Variants in NRXN3 observed in about 807,000 individuals in gnomAD.
NRXN3 encodes neurexin 3.
Under a neutral mutation model 137.6 loss-of-function variants are expected in NRXN3, and 32 were observed. The observed-to-expected ratio is 0.23, with a 90% CI of 0.18 to 0.31. The LOEUF (loss-of-function observed/expected upper bound fraction) is 0.31, where lower values mean the gene tolerates loss of function less well. Among genes scored for constraint, NRXN3 ranks in the 10% least tolerant of loss-of-function variants. The pLI is 1.00. For synonymous variants in NRXN3, 798 were observed against 784.5 expected, an observed-to-expected ratio of 1.02 and a Z score of -0.29; for missense variants, 1,574 against 2,062.5, an observed-to-expected ratio of 0.76 and a Z score of 4.59.
intron 10 of NRXN3, among the ~76,000 whole-genome samples, chr14:78,952,801 A>G (rs1276621800): frequency 6.6e-6 from 1 of 152,196 alleles, no homozygotes; most frequent in Non-Finnish European, 1.5e-5. Flanking sequence ...TTGAATAAAT[A>G]GAAAGATGTT....
chr14:78,835,496 C>G (rs2098994095), intron 10 of NRXN3, among the ~76,000 whole-genome samples: 4 of 152,128 alleles, frequency 2.6e-5, no homozygotes, highest in Admixed American at 2.6e-4. Context: ...CATCTGTGTT[C>G]TTTGTACACT....
chr14:78,991,589 A>T (rs1254728569), intron 15 of NRXN3, among the ~76,000 whole-genome samples: 2 of 152,214 alleles, frequency 1.3e-5, no homozygotes, highest in African/African-American at 4.8e-5. Context: ...CATATCCAAA[A>T]ACTGAAACTT....
In NRXN3 at chr14:79,177,596, G is replaced by A. The variant is rs186324349; in HGVS notation, c.3262+189455G>A. Among the ~76,000 whole-genome samples, 1,338 of 152,216 alleles carry A rather than the reference G, an allele frequency of 8.8e-3. 9 individuals carry two copies. The highest frequency in any genetic ancestry group is 0.027 in the Middle Eastern group (8 of 294). On this transcript the variant is annotated intron_variant, in intron 15 of 20. Transcript: ENST00000335750. ...AAGGCTGCAATCTAGGGTTTCTGAG[G>A]GATTATTGAAACCTAATCTATGGAC...
chr14:79,821,397 G>A (rs1036618700), intron 20 of NRXN3, among the ~76,000 whole-genome samples: 15 of 152,162 alleles, frequency 9.9e-5, no homozygotes, highest in Admixed American at 7.2e-4. Context: ...GCAGTCATGG[G>A]AACTCTGAAC....
intron 16 of NRXN3, among the ~76,000 whole-genome samples, chr14:79,529,917 C>T (rs1379721256): frequency 6.6e-6 from 1 of 152,186 alleles, no homozygotes; most frequent in Non-Finnish European, 1.5e-5. Context: ...ATGGTTTGAA[C>T]AAACCGAACT....
At chr14:79,845,968 G>A (rs2099369018) in intron 20 of NRXN3, among the ~76,000 whole-genome samples, 1 of 152,080 alleles carries the variant, frequency 6.6e-6, no homozygotes, top group Non-Finnish European at 1.5e-5. Context: ...GATGGAGGAA[G>A]GGCAGGTTGG....
rs199563659 is a variant in NRXN3 at position 79,794,387 on chromosome 14, C to CA, written c.4015-10718dup. Among the ~76,000 whole-genome samples the CA allele has an allele frequency of 3.7e-3, 560 of 151,372 alleles. 7 individuals carry two copies. Among genetic ancestry groups the CA allele is most frequent in the African/African-American group, 0.011 (441 of 41,230 alleles). On this transcript the variant is annotated intron_variant, in intron 19 of 20. Coordinates refer to ENST00000335750, the MANE Select transcript of NRXN3 (RefSeq NM_001330195.2). The stretch of plus-strand genomic sequence containing the variant: ...TCAAAAACAAAAACAAACAAACAAA[C>CA]AAAAAAACAAAAAAAAAACAAGAAG...
chr14:78,951,480 G>A (rs941971130), intron 10 of NRXN3, among the ~76,000 whole-genome samples: 1 of 152,076 alleles, frequency 6.6e-6, no homozygotes, highest in Non-Finnish European at 1.5e-5. Context: ...ACCTCAAAGA[G>A]GCCTTCCTGG....
intron 15 of NRXN3, among the ~76,000 whole-genome samples, chr14:79,441,537 A>G (rs770555335): frequency 1.5e-4 from 22 of 151,532 alleles, no homozygotes; most frequent in East Asian, 7.8e-4. Context: ...CCGCCACCGC[A>G]CCCGGCTAAT....
intron 15 of NRXN3, among the ~76,000 whole-genome samples, chr14:79,357,964 G>T (rs1426056565): frequency 2.0e-5 from 3 of 152,164 alleles, no homozygotes; most frequent in African/African-American, 7.2e-5. Context: ...ACACTAGGAA[G>T]GGCTGGAGGT....
chr14:79,764,778 C>T (rs2099050600), intron 19 of NRXN3, among the ~76,000 whole-genome samples: 1 of 152,026 alleles, frequency 6.6e-6, no homozygotes, highest in Admixed American at 6.6e-5. Flanking sequence ...TTTATCTAGG[C>T]CAAAAAAATG....
chr14:78,845,934 G>GTA (rs1470969134), intron 10 of NRXN3, among the ~76,000 whole-genome samples: 2 of 150,996 alleles, frequency 1.3e-5, no homozygotes, highest in Non-Finnish European at 3.0e-5. Context: ...GTGTGTGTGT[G>GTA]TGTATGTGTG....
intron 15 of NRXN3, among the ~76,000 whole-genome samples, chr14:79,343,249 T>C (rs1274839059): frequency 6.6e-6 from 1 of 152,190 alleles, no homozygotes; most frequent in African/African-American, 2.4e-5. Context: ...AGAGGCGATC[T>C]AGTCTCCAGG....
chr14:78,492,048 G>A (rs2095678220), intron 4 of NRXN3, among the ~76,000 whole-genome samples: 1 of 152,110 alleles, frequency 6.6e-6, no homozygotes, highest in South Asian at 2.1e-4. Context: ...CTTAGCCTCT[G>A]TTTCCTCATG....
intron 4 of NRXN3, among the ~76,000 whole-genome samples, chr14:78,539,798 T>C (rs1292814951): frequency 6.6e-6 from 1 of 152,244 alleles, no homozygotes; most frequent in Non-Finnish European, 1.5e-5. Flanking sequence ...GAGATTCTGG[T>C]ATGTTGTGTC....
At chr14:79,448,689 A>C (rs1312772638) in intron 15 of NRXN3, among the ~76,000 whole-genome samples, 1 of 152,220 alleles carries the variant, frequency 6.6e-6, no homozygotes, top group East Asian at 1.9e-4. Context: ...TTTAGATACT[A>C]TAGAGCAACC....
intron 4 of NRXN3, among the ~76,000 whole-genome samples, chr14:78,515,958 A>G (rs774472914): frequency 5.3e-5 from 8 of 152,116 alleles, no homozygotes; most frequent in Non-Finnish European, 1.0e-4. Context: ...CAGTTTCCTC[A>G]TCTTTCAAAT....
At chr14:78,589,046 A>G (rs771332499) in intron 4 of NRXN3, among the ~76,000 whole-genome samples, 15 of 152,174 alleles carry the variant, frequency 9.9e-5, no homozygotes, top group Non-Finnish European at 2.1e-4. Flanking sequence ...AATCTGGTGC[A>G]TTCTGAGATG....
chr14:78,714,621 T>C, intron 7 of NRXN3, 135 bp from the exon 8 acceptor site: 1 of 1,021,904 alleles, frequency 9.8e-7, no homozygotes, highest in Non-Finnish European at 1.5e-6. Context: ...TCCATTGTCT[T>C]GTAACATCTA....
Sources: allele counts gnomAD v4.1 joint callset (sites outside exome capture counted in the v4.1 genomes callset), GRCh38; gene constraint gnomAD v4.1.1; transcripts MANE v1.5; gene names NCBI Gene and HGNC (gene_info 2026-07-23, HGNC 2026-07-21).